BAIAP2: variants seen among roughly 807,000 people sequenced by gnomAD.
The protein encoded by BAIAP2 is BAR/IMD domain-containing adapter protein 2.
BAIAP2 carries 18 observed loss-of-function variants against 63.0 expected under a neutral mutation model. The ratio of observed to expected loss-of-function variants is 0.29; its 90% CI spans 0.20 to 0.42. The LOEUF (loss-of-function observed/expected upper bound fraction) is 0.42. Ranked by LOEUF, BAIAP2 falls within the 10% of genes least tolerant of loss-of-function variation. The pLI is 1.00. For missense variants in BAIAP2, 610 were observed against 734.3 expected, an observed-to-expected ratio of 0.83 and a Z score of 1.96; for synonymous variants, 386 against 307.6, an observed-to-expected ratio of 1.25 and a Z score of -2.67.
At chr17:81,067,137 G>A (rs1273368734) in intron 3 of BAIAP2, among the ~76,000 whole-genome samples, 1 of 152,206 alleles carries the variant, frequency 6.6e-6, no homozygotes, top group Non-Finnish European at 1.5e-5. Context: ...GAGCCCAACC[G>A]CTTGCTCCGA....
intron 2 of BAIAP2, among the ~76,000 whole-genome samples, chr17:81,054,848 T>C (rs2144167845): frequency 6.6e-6 from 1 of 152,210 alleles, no homozygotes; most frequent in East Asian, 1.9e-4. Context: ...GTGGCTTCCT[T>C]GTCGCCAGAT....
chr17:81,036,491 G>A (rs2046285663), intron 1 of BAIAP2, among the ~76,000 whole-genome samples: 1 of 152,254 alleles, frequency 6.6e-6, no homozygotes, highest in African/African-American at 2.4e-5. Flanking sequence ...GCTTGGGAGA[G>A]CCAGATGGAG....
chr17:81,036,308 C>G (rs2046258982), intron 1 of BAIAP2, among the ~76,000 whole-genome samples: 1 of 152,224 alleles, frequency 6.6e-6, no homozygotes, highest in African/African-American at 2.4e-5. Flanking sequence ...TCAAAACTGT[C>G]TGCAGGTTCA....
chr17:81,062,454 C>T (rs1156802365), intron 3 of BAIAP2, among the ~76,000 whole-genome samples: 1 of 152,146 alleles, frequency 6.6e-6, no homozygotes, highest in Non-Finnish European at 1.5e-5. Context: ...TTCAATGCGC[C>T]ATCACGAATT....
rs553855006 is a variant in BAIAP2 at position 81,062,603 on chromosome 17, G to A, written c.217+4636G>A. On this transcript the variant is annotated intron_variant, in intron 3 of 13. Coordinates refer to ENST00000428708, the MANE Select transcript of BAIAP2 (RefSeq NM_001144888.2). The stretch of plus-strand genomic sequence containing the variant: ...TGCAGAGTCAGCTTCTCCTCCTCCC[G>A]GGTCAGAGCCCCGTGTTTTCTGGGT... 2.0e-5 allele frequency among the ~76,000 whole-genome samples: 3 copies of A among 152,102 alleles called. No individual in the cohort carries two copies. The East Asian group carries it at 5.8e-4, about 29-fold the overall frequency.
intron 6 of BAIAP2, among the ~76,000 whole-genome samples, chr17:81,091,186 GCCCCACCCCACCCCA>G (rs113764466): frequency 1.8e-5 from 2 of 111,984 alleles, no homozygotes; most frequent in Middle Eastern, 4.2e-3. Flanking sequence ...CATTTATGTG[GCCCCACCCCACCCCA>G]CCCCACCCCA....
chr17:81,055,568 T>TG (rs767694702), intron 2 of BAIAP2, among the ~76,000 whole-genome samples: 15 of 108,378 alleles, frequency 1.4e-4, no homozygotes, highest in Admixed American at 3.1e-4. Context: ...GTCTGCAGGG[T>TG]GTTTTGTTTT....
intron 1 of BAIAP2, among the ~76,000 whole-genome samples, chr17:81,037,430 C>G (rs2046430352): frequency 6.6e-6 from 1 of 152,220 alleles, no homozygotes. Context: ...GTCTTTGAGA[C>G]CTTTTTGTGC....
chr17:81,082,325 T>C (rs923924504), intron 3 of BAIAP2, among the ~76,000 whole-genome samples: 8 of 152,144 alleles, frequency 5.3e-5, no homozygotes, highest in Non-Finnish European at 7.4e-5. Context: ...CCCGCACACA[T>C]ATGTGATACC....
chr17:81,056,163 T>TG (rs2049522455), intron 2 of BAIAP2, among the ~76,000 whole-genome samples: 1 of 151,964 alleles, frequency 6.6e-6, no homozygotes, highest in African/African-American at 2.4e-5. Flanking sequence ...CGGCTCGAGG[T>TG]GGGTGCAGAG....
At chr17:81,093,104 CT>C (rs2057065115) in intron 6 of BAIAP2, among the ~76,000 whole-genome samples, 1 of 102,456 alleles carries the variant, frequency 9.8e-6, no homozygotes, top group Admixed American at 9.7e-5. Flanking sequence ...CTGGGCTGGG[CT>C]GGGCTGGGCT....
At chr17:81,059,131 C>G (rs897501014) in intron 3 of BAIAP2, among the ~76,000 whole-genome samples, 15 of 152,318 alleles carry the variant, frequency 9.8e-5, no homozygotes, top group East Asian at 3.9e-4. Context: ...GAGCCCCCCC[C>G]CCACGCCCCC....
At chr17:81,103,766 A>G in intron 8 of BAIAP2, 43 bp downstream of exon 8, 1 of 690,982 alleles carries the variant, frequency 1.4e-6, no homozygotes, top group Non-Finnish European at 2.4e-6. Context: ...TGTGGGTGGG[A>G]GGGCAGCTTG....
intron 3 of BAIAP2, among the ~76,000 whole-genome samples, chr17:81,072,160 C>T (rs1227410750): frequency 6.6e-6 from 1 of 152,216 alleles, no homozygotes; most frequent in Admixed American, 6.5e-5. Flanking sequence ...GGAGGGTGGG[C>T]TGGGCCATCT....
intron 3 of BAIAP2, among the ~76,000 whole-genome samples, chr17:81,070,573 G>A (rs781252533): frequency 1.8e-4 from 27 of 152,306 alleles, no homozygotes; most frequent in Middle Eastern, 6.8e-3. Flanking sequence ...TGGACGCGGG[G>A]GCAGGAGAAG....
At position 81,082,209 on chromosome 17, in the gene BAIAP2, A is replaced by G. The variant is rs867480375; in HGVS notation, c.218-2623A>G. On this transcript the variant is annotated intron_variant, in intron 3 of 13. Coordinates refer to ENST00000428708, the MANE Select transcript of BAIAP2 (RefSeq NM_001144888.2). ...GGAGACTCGGGTCACGGCCAGGCACACACAGCCACACACACATGCTCACCC... is the reference window on the plus strand; with the variant it reads ...GGAGACTCGGGTCACGGCCAGGCACGCACAGCCACACACACATGCTCACCC... Among the ~76,000 whole-genome samples, 69 of 152,260 alleles carry G rather than the reference A, an allele frequency of 4.5e-4. No individual in the cohort carries two copies. In the Middle Eastern group the frequency reaches 0.01, roughly 23 times the overall value.
At chr17:81,068,047 G>A (rs1568107424) in intron 3 of BAIAP2, among the ~76,000 whole-genome samples, 1 of 152,264 alleles carries the variant, frequency 6.6e-6, no homozygotes, top group Admixed American at 6.5e-5. Flanking sequence ...GCCTCTGTGG[G>A]CAGGTGTCTG....
At chr17:81,082,805 C>T (rs939828276) in intron 3 of BAIAP2, among the ~76,000 whole-genome samples, 1 of 152,180 alleles carries the variant, frequency 6.6e-6, no homozygotes, top group East Asian at 1.9e-4. Context: ...GAGAGGCAGC[C>T]CTGTGTGTGC....
In BAIAP2 at chr17:81,086,425, T is replaced by G. The variant is rs767387128; in HGVS notation, c.352-18T>G. On this transcript the variant is annotated intron_variant, in intron 5 of 13. Transcript: ENST00000428708. The stretch of plus-strand genomic sequence containing the variant: ...GGTTCATGGGCCTTGGTTTTGTGTT[T>G]TATTGTTTGAATCTCAGGCTGCGCT... 9.3e-6 allele frequency: 15 copies of G among 1,612,676 alleles called. No individual in the cohort carries two copies. The Admixed American group carries it at 1.5e-4, about 16-fold the overall frequency.
Sources: gnomAD v4.1 joint callset for allele counts (sites outside exome capture counted in the v4.1 genomes callset) on GRCh38, gnomAD v4.1.1 for gene constraint, MANE v1.5 for transcripts, NCBI Gene and HGNC (gene_info 2026-07-23, HGNC 2026-07-21) for gene names.